Variants in INVS observed in about 807,000 individuals in gnomAD.
INVS encodes inversion of embryo turning homolog.
Under a neutral mutation model 108.8 loss-of-function variants are expected in INVS, and 86 were observed. The observed-to-expected ratio is 0.79, with a 90% CI of 0.66 to 0.95. The LOEUF (loss-of-function observed/expected upper bound fraction) is 0.95. Ranked by LOEUF, INVS falls within the 40% of genes least tolerant of loss-of-function variation. The pLI is 0.00. For synonymous variants in INVS, 455 were observed against 473.5 expected, an observed-to-expected ratio of 0.96 and a Z score of 0.51; for missense variants, 1,169 against 1,297.4, an observed-to-expected ratio of 0.90 and a Z score of 1.52.
intron 12 of INVS, among the ~76,000 whole-genome samples, chr9:100,277,347 G>T (rs142318981): frequency 6.6e-6 from 1 of 152,316 alleles, no homozygotes; most frequent in East Asian, 1.9e-4. Context: ...TCACCAGATT[G>T]TTAATGGTTG....
At chr9:100,214,218 T>A (rs1830919419) in intron 3 of INVS, among the ~76,000 whole-genome samples, 1 of 152,192 alleles carries the variant, frequency 6.6e-6, no homozygotes, top group South Asian at 2.1e-4. Context: ...GATCTTACTT[T>A]ATACAGCTAG....
chr9:100,235,192 CT>C (rs546186347), intron 5 of INVS, among the ~76,000 whole-genome samples: 5,273 of 146,544 alleles, frequency 0.036, 156 homozygotes, highest in Non-Finnish European at 0.05. Flanking sequence ...GCAACCCCTG[CT>C]TTTTTTTTTT....
At chr9:100,161,778 C>T (rs1829198552) in intron 3 of INVS, among the ~76,000 whole-genome samples, 1 of 152,142 alleles carries the variant, frequency 6.6e-6, no homozygotes, top group African/African-American at 2.4e-5. Flanking sequence ...TTGCTAATCT[C>T]ACTAATGAGT....
At chr9:100,221,468 A>G (rs1364802897) in intron 3 of INVS, among the ~76,000 whole-genome samples, 1 of 152,144 alleles carries the variant, frequency 6.6e-6, no homozygotes, top group Non-Finnish European at 1.5e-5. Context: ...GTGCCCAGCC[A>G]GTTGCTTGTT....
At chr9:100,167,118 C>G (rs2119028409) in intron 3 of INVS, among the ~76,000 whole-genome samples, 1 of 152,132 alleles carries the variant, frequency 6.6e-6, no homozygotes, top group East Asian at 1.9e-4. Flanking sequence ...GTAGTCCCAG[C>G]TACACCAGAG....
Position 100,292,817 on chromosome 9 carries a change from G to A in INVS, c.2560G>A (p.Glu854Lys), listed in dbSNP as rs1457286984. The A allele has an allele frequency of 3.7e-6, 6 of 1,614,144 alleles. No homozygotes were observed. The highest frequency in any genetic ancestry group is 5.1e-6 in the Non-Finnish European group (6 of 1,180,018). The change falls in exon 14 of 17, where the codon GAG becomes AAG. Residue 854 changes from glutamate (E) to lysine (K), a missense_variant. Around this residue, in one of 3 missense-constraint regions of INVS, gnomAD observed 533 missense variants for 536.0 expected, o/e 0.99. Transcript: ENST00000262457. ...LYSHLPQSTEELRSGARRLET... is the reference protein window; with the variant it reads ...LYSHLPQSTEKLRSGARRLET... ...TTCACATTTGCCACAGAGCACAGAG[G>A]AGTTGAGGTCAGGAGCTAGGAGGCT...
chr9:100,284,689 A>G, intron 13 of INVS, 86 bp downstream of exon 13: 2 of 1,376,340 alleles, frequency 1.5e-6, no homozygotes, highest in Non-Finnish European at 2.0e-6. Context: ...TACACTTAAG[A>G]TAATTGTTAT....
intron 3 of INVS, among the ~76,000 whole-genome samples, chr9:100,158,001 C>G (rs1225048532): frequency 6.6e-6 from 1 of 152,146 alleles, no homozygotes; most frequent in South Asian, 2.1e-4. Flanking sequence ...CTTAGTATTT[C>G]TTAATGTGGT....
chr9:100,213,722 T>C (rs1830905134), intron 3 of INVS, among the ~76,000 whole-genome samples: 1 of 151,974 alleles, frequency 6.6e-6, no homozygotes, highest in South Asian at 2.1e-4. Context: ...CCAGAGAACA[T>C]GTGGAAGTTG....
At chr9:100,163,458 A>G (rs1829258892) in intron 3 of INVS, among the ~76,000 whole-genome samples, 1 of 152,206 alleles carries the variant, frequency 6.6e-6, no homozygotes, top group African/African-American at 2.4e-5. Flanking sequence ...GTACTGCTCT[A>G]TATATGTGGG....
intron 8 of INVS, among the ~76,000 whole-genome samples, chr9:100,249,994 A>G (rs1322512959): frequency 1.3e-5 from 2 of 151,460 alleles, no homozygotes; most frequent in Admixed American, 6.6e-5. Flanking sequence ...AATCCCAGCT[A>G]TTTGGGAGGC....
chr9:100,287,517 G>A (rs915737583), intron 13 of INVS, among the ~76,000 whole-genome samples: 5 of 152,178 alleles, frequency 3.3e-5, no homozygotes, highest in African/African-American at 7.2e-5. Context: ...GATATGGATT[G>A]GCTCTGTGTC....
intron 8 of INVS, among the ~76,000 whole-genome samples, chr9:100,251,610 T>A (rs1832239605): frequency 6.6e-6 from 1 of 152,212 alleles, no homozygotes; most frequent in Non-Finnish European, 1.5e-5. Context: ...TTCTCCAGAC[T>A]GGTCTAGACC....
chr9:100,214,050 A>AAGAG (rs1001356455), intron 3 of INVS, among the ~76,000 whole-genome samples: 4 of 152,152 alleles, frequency 2.6e-5, no homozygotes, highest in African/African-American at 9.7e-5. Flanking sequence ...TTATCTTACC[A>AAGAG]AGAGAGACTA....
intron 15 of INVS, among the ~76,000 whole-genome samples, 195 bp from the exon 16 acceptor site, chr9:100,297,741 T>C (rs1178705898): frequency 6.6e-6 from 1 of 152,226 alleles, no homozygotes; most frequent in Non-Finnish European, 1.5e-5. Flanking sequence ...AAAGATCTCC[T>C]ACAGCATGAA....
intron 1 of INVS, among the ~76,000 whole-genome samples, chr9:100,102,286 A>T (rs1827020311): frequency 6.6e-6 from 1 of 151,952 alleles, no homozygotes. Context: ...TTTAGTAGGG[A>T]CGGGGTTTCA....
intron 8 of INVS, among the ~76,000 whole-genome samples, chr9:100,250,659 A>G (rs934221342): frequency 6.6e-6 from 1 of 152,066 alleles, no homozygotes; most frequent in Non-Finnish European, 1.5e-5. Flanking sequence ...GTTTCTCTTC[A>G]TCTCCATTGC....
chr9:100,137,372 G>A (rs1828261640), intron 3 of INVS, among the ~76,000 whole-genome samples: 2 of 152,034 alleles, frequency 1.3e-5, no homozygotes, highest in African/African-American at 4.8e-5. Context: ...CCTAAACTTG[G>A]GCTTCAGGAA....
rs61219577 is a variant in INVS at position 100,219,881 on chromosome 9, G to GATATAT, written c.274-6168_274-6163dup. Among the ~76,000 whole-genome samples the GATATAT allele has an allele frequency of 1.8e-4, 26 of 148,082 alleles. 1 individual carries two copies. In the South Asian group the frequency reaches 2.2e-3, roughly 12 times the overall value. ...GTAAAACAATACTATGTCGTTTATGGATATATATATATATATATGTTTGTA... is the reference window on the plus strand; with the variant it reads ...GTAAAACAATACTATGTCGTTTATGGATATATATATATATATATATATATGTTTGTA... On this transcript the variant is annotated intron_variant, in intron 3 of 16. Coordinates refer to ENST00000262457, the MANE Select transcript of INVS (RefSeq NM_014425.5).
Sources: allele counts gnomAD v4.1 joint callset (sites outside exome capture counted in the v4.1 genomes callset), GRCh38; gene constraint gnomAD v4.1.1; regional missense constraint gnomAD v4.1.1; transcripts MANE v1.5; gene names NCBI Gene and HGNC (gene_info 2026-07-23, HGNC 2026-07-21).